EFCAB6: variants seen among roughly 807,000 people sequenced by gnomAD.
EFCAB6 encodes the protein EF-hand calcium-binding domain-containing protein 6.
EFCAB6 carries 156 observed loss-of-function variants against 169.8 expected under a neutral mutation model. The ratio of observed to expected loss-of-function variants is 0.92; its 90% CI spans 0.81 to 1.05. EFCAB6 has a LOEUF of 1.05. Ranked by LOEUF, EFCAB6 falls within the 50% of genes least tolerant of loss-of-function variation. The probability of loss-of-function intolerance (pLI) is 0.00; values close to 1 mark genes in which losing one functional copy is unlikely to be tolerated. For synonymous variants in EFCAB6, 698 were observed against 676.4 expected, an observed-to-expected ratio of 1.03 and a Z score of -0.50; for missense variants, 1,800 against 1,829.1, an observed-to-expected ratio of 0.98 and a Z score of 0.29.
intron 13 of EFCAB6, among the ~76,000 whole-genome samples, chr22:43,675,763 T>C (rs1469631777): frequency 6.7e-6 from 1 of 148,322 alleles, no homozygotes; most frequent in East Asian, 1.9e-4. Context: ...AATATAATAA[T>C]ATGTAATGTA....
intron 6 of EFCAB6, among the ~76,000 whole-genome samples, chr22:43,752,126 T>TTG (rs1007579650): frequency 6.7e-6 from 1 of 149,706 alleles, no homozygotes; most frequent in Non-Finnish European, 1.5e-5. Flanking sequence ...ATTTTTTTTT[T>TTG]TTTTTTTTTG....
intron 17 of EFCAB6, among the ~76,000 whole-genome samples, chr22:43,644,431 C>T (rs2148001299): frequency 6.6e-6 from 1 of 152,288 alleles, no homozygotes; most frequent in South Asian, 2.1e-4. Context: ...ATGCTATGAC[C>T]ATTAGATCAC....
intron 23 of EFCAB6, among the ~76,000 whole-genome samples, chr22:43,599,313 C>T (rs2052303350): frequency 6.6e-6 from 1 of 151,810 alleles, no homozygotes; most frequent in Non-Finnish European, 1.5e-5. Flanking sequence ...AGTTCAAGAC[C>T]AGCCTGGCCA....
intron 17 of EFCAB6, among the ~76,000 whole-genome samples, chr22:43,643,244 A>C (rs897052207): frequency 6.6e-6 from 1 of 152,272 alleles, no homozygotes; most frequent in Non-Finnish European, 1.5e-5. Flanking sequence ...TGAGGAGATC[A>C]AAGTTTAAAA....
intron 21 of EFCAB6, among the ~76,000 whole-genome samples, chr22:43,611,147 T>C (rs1024709605): frequency 6.6e-6 from 1 of 152,210 alleles, no homozygotes; most frequent in South Asian, 2.1e-4. Flanking sequence ...TGAGAGATAA[T>C]GTCATTGATA....
intron 2 of EFCAB6, among the ~76,000 whole-genome samples, chr22:43,790,569 A>G (rs6006545): frequency 0.3 from 45,790 of 152,164 alleles, 7,267 homozygotes; most frequent in Middle Eastern, 0.38. Flanking sequence ...GGAACCATGC[A>G]GTTAGGAAGA....
rs1045378527 is a variant in EFCAB6, at chr22:43,593,277, C to T, written c.2877-3048G>A. 7.9e-5 allele frequency among the ~76,000 whole-genome samples: 12 copies of T among 152,162 alleles called. No individual in the cohort carries two copies. The South Asian group carries it at 1.0e-3, about 13-fold the overall frequency. On this transcript the variant is annotated intron_variant, in intron 23 of 31. Coordinates refer to ENST00000262726, the MANE Select transcript of EFCAB6 (RefSeq NM_022785.4). ...GAGTGGGTGAGAGTGAACTAGTTAA[C>T]TGAGCTTGATGATCTGAAATGCATT...
chr22:43,669,841 G>A (rs1418165518), intron 15 of EFCAB6, among the ~76,000 whole-genome samples: 2 of 152,174 alleles, frequency 1.3e-5, no homozygotes, highest in South Asian at 2.1e-4. Flanking sequence ...GAGCATCGGC[G>A]AGGCCAGAAC....
At position 43,678,095 on chromosome 22, in the gene EFCAB6, G is replaced by A. The variant is rs140678455; in HGVS notation, c.1320C>T (p.Ser440=). The change falls in exon 13 of 32, where the codon AGC becomes AGT. Residue 440 remains serine (S), a synonymous_variant. Transcript: ENST00000262726. ...GCATTAGTTCTTTGAATTCTGAATC[G>A]CTTAGTTTTACAGCCATGCAATTTA... ...YILNCMAVKL[S]DSEFKELMQM... The A allele has an allele frequency of 1.7e-4, 272 of 1,612,696 alleles. No homozygotes were observed. The highest frequency in any genetic ancestry group is 8.5e-4 in the Admixed American group (51 of 59,856).
At chr22:43,538,425 T>C (rs1219715915) in intron 28 of EFCAB6, among the ~76,000 whole-genome samples, 1 of 152,218 alleles carries the variant, frequency 6.6e-6, no homozygotes, top group Non-Finnish European at 1.5e-5. Context: ...AGTCTTGCTC[T>C]GTCGCCAGGC....
chr22:43,807,840 A>G (rs1175419297), intron 2 of EFCAB6, among the ~76,000 whole-genome samples: 1 of 152,262 alleles, frequency 6.6e-6, no homozygotes, highest in South Asian at 2.1e-4. Context: ...AGTTCCCTTT[A>G]TAGCCTTCCA....
At chr22:43,579,899 C>T (rs62226979) in intron 25 of EFCAB6, among the ~76,000 whole-genome samples, 9,522 of 151,902 alleles carry the variant, frequency 0.063, 362 homozygotes, top group Admixed American at 0.096. Flanking sequence ...GGCATCATTC[C>T]GTACACGCAG....
chr22:43,695,890 T>A (rs1049285704), intron 10 of EFCAB6, among the ~76,000 whole-genome samples: 1 of 152,094 alleles, frequency 6.6e-6, no homozygotes, highest in African/African-American at 2.4e-5. Flanking sequence ...ATTAAATCTT[T>A]GTGATACTAG....
At chr22:43,748,698 C>T (rs2147806445) in intron 6 of EFCAB6, among the ~76,000 whole-genome samples, 1 of 152,306 alleles carries the variant, frequency 6.6e-6, no homozygotes, top group East Asian at 1.9e-4. Flanking sequence ...GAAAAGGTGC[C>T]TGCTCCCACA....
At chr22:43,619,372 C>A (rs2053969536) in intron 20 of EFCAB6, among the ~76,000 whole-genome samples, 1 of 152,070 alleles carries the variant, frequency 6.6e-6, no homozygotes, top group Admixed American at 6.6e-5. Flanking sequence ...AGGATTTTAA[C>A]AAAATCAGAG....
intron 11 of EFCAB6, among the ~76,000 whole-genome samples, chr22:43,684,824 C>G (rs1299826470): frequency 1.3e-5 from 2 of 152,328 alleles, no homozygotes; most frequent in African/African-American, 4.8e-5. Context: ...CCGGGTACCC[C>G]TGACCTAGGG....
chr22:43,730,019 C>A (rs1170121279), intron 8 of EFCAB6, among the ~76,000 whole-genome samples: 5 of 149,686 alleles, frequency 3.3e-5, no homozygotes, highest in African/African-American at 1.2e-4. Flanking sequence ...TTAAAGTTAG[C>A]CAGGCATGGT....
At chr22:43,576,725 T>G (rs576842858) in intron 25 of EFCAB6, among the ~76,000 whole-genome samples, 1 of 152,150 alleles carries the variant, frequency 6.6e-6, no homozygotes, top group Non-Finnish European at 1.5e-5. Context: ...TGCTCCTATT[T>G]GGATGTGAGG....
intron 17 of EFCAB6, among the ~76,000 whole-genome samples, chr22:43,664,344 T>C (rs1015117884): frequency 2.0e-5 from 3 of 152,232 alleles, no homozygotes; most frequent in Non-Finnish European, 2.9e-5. Context: ...GGCCCTACTA[T>C]GTGCAAAGCA....
Sources: gnomAD v4.1 joint callset for allele counts (sites outside exome capture counted in the v4.1 genomes callset) on GRCh38, gnomAD v4.1.1 for gene constraint, MANE v1.5 for transcripts, NCBI Gene and HGNC (gene_info 2026-07-23, HGNC 2026-07-21) for gene names.